NFASC: variants seen among roughly 807,000 people sequenced by gnomAD.
NFASC encodes neurofascin homolog.
A neutral mutation model predicts 147.5 loss-of-function variants in NFASC; 43 were observed. The observed-to-expected ratio is 0.29, with a 90% CI of 0.23 to 0.38. NFASC has a LOEUF of 0.38. Among genes scored for constraint, NFASC ranks in the 10% least tolerant of loss-of-function variants. The pLI, the probability that NFASC is intolerant of heterozygous loss-of-function variation, is 1.00. For missense variants in NFASC, 1,320 were observed against 1,689.0 expected (o/e 0.78, Z 3.83); for synonymous variants, 622 against 665.5 (o/e 0.93, Z 1.01).
intron 1 of NFASC, among the ~76,000 whole-genome samples, chr1:204,855,940 C>T (rs1356566075): frequency 1.3e-5 from 2 of 152,116 alleles, no homozygotes; most frequent in Non-Finnish European, 2.9e-5. Context: ...TCCTGTTGGA[C>T]CTTTTATATA....
At chr1:204,843,403 G>A (rs1003007252) in intron 1 of NFASC, among the ~76,000 whole-genome samples, 1 of 152,038 alleles carries the variant, frequency 6.6e-6, no homozygotes, top group Admixed American at 6.5e-5. Flanking sequence ...GTACACTCTC[G>A]CAACCAGGAT....
chr1:204,861,421 A>C (rs1437786394), intron 1 of NFASC, among the ~76,000 whole-genome samples: 2 of 151,240 alleles, frequency 1.3e-5, no homozygotes, highest in African/African-American at 4.9e-5. Flanking sequence ...CTGGGTATAT[A>C]CCTAGGAGTG....
At chr1:205,005,980 G>C (rs1488918334) in intron 27 of NFASC, among the ~76,000 whole-genome samples, 1 of 152,134 alleles carries the variant, frequency 6.6e-6, no homozygotes, top group African/African-American at 2.4e-5. Flanking sequence ...CAGCTGTCAG[G>C]GTGCATCAGA....
chr1:204,875,159 A>G (rs1362283930), intron 1 of NFASC, among the ~76,000 whole-genome samples: 2 of 152,086 alleles, frequency 1.3e-5, no homozygotes, highest in South Asian at 2.1e-4. Context: ...AGGTGCTCAT[A>G]TTGATGTAGA....
chr1:204,924,892 T>G (rs1198382135), intron 2 of NFASC, among the ~76,000 whole-genome samples: 1 of 152,196 alleles, frequency 6.6e-6, no homozygotes, highest in Non-Finnish European at 1.5e-5. Flanking sequence ...TTGTTTTGTT[T>G]TGAGATGGAG....
rs760083279 is a variant in NFASC, at chr1:204,988,727, C to T, written c.2688C>T (p.Tyr896=). ...AAAGAACGGACCCCGTGTCACGCTACCGCTTTACCCTCAGCGCCAGGACGC... is the reference window on the plus strand; with the variant it reads ...AAAGAACGGACCCCGTGTCACGCTATCGCTTTACCCTCAGCGCCAGGACGC... ...TVQRTDPVSR[Y]RFTLSARTQV... is the part of the protein sequence containing the mutation. Residue 896 remains tyrosine, a synonymous_variant, in exon 23 of 30, where the codon TAC becomes TAT. Coordinates refer to ENST00000339876, the MANE Select transcript of NFASC (RefSeq NM_001005388.3). The T allele has an allele frequency of 2.5e-5, 40 of 1,614,110 alleles. No homozygotes were observed. Among genetic ancestry groups the T allele is most frequent in the Middle Eastern group, 1.6e-4 (1 of 6,084 alleles).
At chr1:204,936,431 G>C (rs1029695041) in intron 2 of NFASC, among the ~76,000 whole-genome samples, 7 of 151,904 alleles carry the variant, frequency 4.6e-5, no homozygotes, top group Admixed American at 3.9e-4. Flanking sequence ...CAAACTCCTG[G>C]CCTCAAGTGA....
chr1:204,957,925 C>A, intron 8 of NFASC, 99 bp downstream of exon 8: 2 of 1,112,670 alleles, frequency 1.8e-6, no homozygotes, highest in Non-Finnish European at 2.6e-6. Flanking sequence ...GAGACTTGTC[C>A]TTGAGGCTGA....
At chr1:204,953,498 G>A (rs771754739) in intron 5 of NFASC, among the ~76,000 whole-genome samples, 6 of 152,058 alleles carry the variant, frequency 3.9e-5, no homozygotes, top group African/African-American at 1.2e-4. Context: ...GGGTTTCACC[G>A]AGTTAGCCAG....
intron 3 of NFASC, 131 bp downstream of exon 3, chr1:204,944,537 A>G (rs573730866): frequency 1.8e-5 from 14 of 757,478 alleles, no homozygotes; most frequent in Non-Finnish European, 2.7e-5. Context: ...GGATTCTGAG[A>G]TTCAGAGCTG....
chr1:204,963,389 T>C (rs191398829), intron 8 of NFASC, among the ~76,000 whole-genome samples: 40 of 152,362 alleles, frequency 2.6e-4, no homozygotes, highest in Admixed American at 5.9e-4. Context: ...TAATCTGTTA[T>C]AGGAAGTATT....
At chr1:204,843,221 A>G (rs986737485) in intron 1 of NFASC, among the ~76,000 whole-genome samples, 6 of 152,176 alleles carry the variant, frequency 3.9e-5, no homozygotes, top group Non-Finnish European at 8.8e-5. Context: ...GGACAGACCA[A>G]TATAGGCCAA....
At chr1:204,890,643 C>T (rs1019049010) in intron 1 of NFASC, among the ~76,000 whole-genome samples, 1 of 150,766 alleles carries the variant, frequency 6.6e-6, no homozygotes, top group African/African-American at 2.4e-5. Context: ...GATCTCTGCT[C>T]ACTGCAACCT....
At chr1:204,938,537 C>G (rs2093074624) in intron 2 of NFASC, among the ~76,000 whole-genome samples, 1 of 152,180 alleles carries the variant, frequency 6.6e-6, no homozygotes, top group Admixed American at 6.5e-5. Context: ...GCCCCCCACC[C>G]TGCCGCCGGC....
chr1:204,834,922 T>C (rs956010802), intron 1 of NFASC, among the ~76,000 whole-genome samples: 5 of 152,140 alleles, frequency 3.3e-5, no homozygotes, highest in Non-Finnish European at 7.3e-5. Context: ...CTTAGCTTCA[T>C]ACCTAGTTCT....
At chr1:205,012,645 A>C in intron 28 of NFASC, 152 bp from the exon 29 acceptor site, 1 of 675,808 alleles carries the variant, frequency 1.5e-6, no homozygotes, top group Non-Finnish European at 2.7e-6. Flanking sequence ...ACAGGAAGCA[A>C]AAACAAGGGA....
At chr1:204,830,785 G>A (rs558366168) in intron 1 of NFASC, among the ~76,000 whole-genome samples, 9 of 152,360 alleles carry the variant, frequency 5.9e-5, no homozygotes, top group South Asian at 2.1e-4. Context: ...GGGCTTAGAC[G>A]AAACCCAGAG....
chr1:204,878,363 G>A (rs1266187015), intron 1 of NFASC, among the ~76,000 whole-genome samples: 1 of 152,058 alleles, frequency 6.6e-6, no homozygotes, highest in Non-Finnish European at 1.5e-5. Context: ...TGCAGTTTTC[G>A]CCGTTAAAAA....
rs138227509 is a variant in NFASC, at chr1:204,921,544, CT to C, written c.-91+805del. Among the ~76,000 whole-genome samples, 1,492 of 152,198 alleles carry C rather than the reference CT, an allele frequency of 9.8e-3. 19 individuals are homozygous for C. Among genetic ancestry groups the C allele is most frequent in the African/African-American group, 0.031 (1,302 of 41,528 alleles). On this transcript the variant is annotated intron_variant, in intron 2 of 29. Transcript: ENST00000339876. ...TTTTTCCTCCCAGAAAGAGTTGGAG[CT>C]GGGGGGAGGGGCGTGGAGAGGGTTG...
Sources: gnomAD v4.1 joint callset for allele counts (sites outside exome capture counted in the v4.1 genomes callset) on GRCh38, gnomAD v4.1.1 for gene constraint, MANE v1.5 for transcripts, NCBI Gene and HGNC (gene_info 2026-07-23, HGNC 2026-07-21) for gene names.